RPH3A: variants seen among roughly 807,000 people sequenced by gnomAD.
RPH3A encodes rabphilin-3A.
Under a neutral mutation model 102.2 loss-of-function variants are expected in RPH3A, and 48 were observed. The observed-to-expected ratio is 0.47, with a 90% CI of 0.37 to 0.60. The LOEUF is 0.60. Among genes scored for constraint, RPH3A ranks in the 20% least tolerant of loss-of-function variants. RPH3A has a pLI of 0.00. For missense variants in RPH3A, 781 were observed against 910.1 expected (o/e 0.86, Z 1.83); for synonymous variants, 310 against 324.3 (o/e 0.96, Z 0.47).
intron 1 of RPH3A, among the ~76,000 whole-genome samples, chr12:112,592,819 G>T (rs1254667736): frequency 3.9e-5 from 6 of 152,104 alleles, no homozygotes; most frequent in Non-Finnish European, 8.8e-5. Flanking sequence ...AGTTAAGCGG[G>T]GCCACACGAC....
At chr12:112,742,598 C>T (rs923635767) in intron 1 of RPH3A, among the ~76,000 whole-genome samples, 13 of 152,262 alleles carry the variant, frequency 8.5e-5, no homozygotes, top group African/African-American at 2.6e-4. Flanking sequence ...ACAATGAATA[C>T]AGTCCAGGGA....
At position 112,861,153 on chromosome 12, in the gene RPH3A, G is replaced by A. The variant is rs147607465; in HGVS notation, c.231-4261G>A. ...GCCACAGAGGTTGGCCCCTGAACTG[G>A]CTCTATGAAACCCTCGGGGTACCAT... On this transcript the variant is annotated intron_variant, in intron 5 of 21. Coordinates refer to ENST00000389385, the MANE Select transcript of RPH3A (RefSeq NM_001143854.2). Among the ~76,000 whole-genome samples, 761 of 152,264 alleles carry A rather than the reference G, an allele frequency of 5.0e-3. 11 individuals carry two copies. The highest frequency in any genetic ancestry group is 0.017 in the African/African-American group (724 of 41,518).
chr12:112,707,428 G>C (rs2136032758), intron 1 of RPH3A, among the ~76,000 whole-genome samples: 1 of 152,270 alleles, frequency 6.6e-6, no homozygotes, highest in Non-Finnish European at 1.5e-5. Flanking sequence ...CTTTACAGGT[G>C]AGGAAACTGG....
At chr12:112,643,902 G>A (rs1435179445) in intron 1 of RPH3A, among the ~76,000 whole-genome samples, 1 of 152,196 alleles carries the variant, frequency 6.6e-6, no homozygotes, top group Admixed American at 6.5e-5. Context: ...AAAGCTAAGT[G>A]TCCATCAACA....
intron 1 of RPH3A, among the ~76,000 whole-genome samples, chr12:112,651,177 T>C (rs2039972525): frequency 6.6e-6 from 1 of 151,374 alleles, no homozygotes; most frequent in Admixed American, 6.6e-5. Flanking sequence ...CTGGGCAACA[T>C]GGCGAAACCC....
intron 1 of RPH3A, among the ~76,000 whole-genome samples, chr12:112,775,046 G>A (rs776669052): frequency 2.0e-5 from 3 of 151,548 alleles, no homozygotes; most frequent in African/African-American, 4.9e-5. Context: ...CACACACTGG[G>A]GCCTGTTGAG....
chr12:112,646,863 T>C (rs2135994820), intron 1 of RPH3A, among the ~76,000 whole-genome samples: 1 of 152,146 alleles, frequency 6.6e-6, no homozygotes, highest in South Asian at 2.1e-4. Flanking sequence ...ACTCACAGAG[T>C]TGGTTTGATG....
chr12:112,749,925 G>C lies in RPH3A; in HGVS notation c.-139-42218G>C, dbSNP rs186614034. On this transcript the variant is annotated intron_variant, in intron 1 of 21. Coordinates refer to the RPH3A transcript ENST00000543106. ...GTTTTTGAAGGAACCTCACCAAGGA[G>C]TCCAGATGTCTGTATCTGCAGGAAA... is the stretch of plus-strand genomic sequence containing the variant. Among the ~76,000 whole-genome samples the C allele has an allele frequency of 1.5e-3, 224 of 152,284 alleles. 1 individual carries two copies. The highest frequency in any genetic ancestry group is 5.1e-3 in the African/African-American group (211 of 41,558).
At chr12:112,886,565 A>G (rs2189586) in intron 16 of RPH3A, among the ~76,000 whole-genome samples, 69,763 of 151,964 alleles carry the variant, frequency 0.46, 16,599 homozygotes, top group East Asian at 0.6. Context: ...CTGTGCAGCC[A>G]GGTTCCTAAC....
chr12:112,813,349 G>T (rs567556199), intron 2 of RPH3A: 1 of 152,354 alleles, frequency 6.6e-6, no homozygotes, highest in Admixed American at 6.5e-5. Context: ...GAGGAAGATT[G>T]TGGTCCATTC....
At chr12:112,840,662 G>A (rs777267629) in intron 4 of RPH3A, among the ~76,000 whole-genome samples, 1 of 152,194 alleles carries the variant, frequency 6.6e-6, no homozygotes, top group Admixed American at 6.5e-5. Flanking sequence ...GGCTTGCATA[G>A]GTTCAGACCA....
chr12:112,731,716 G>A (rs2040635401), intron 1 of RPH3A, among the ~76,000 whole-genome samples: 1 of 152,180 alleles, frequency 6.6e-6, no homozygotes, highest in African/African-American at 2.4e-5. Flanking sequence ...ACCCATTTGG[G>A]GGATTTTTCC....
At chr12:112,750,051 T>C (rs2040776286) in intron 1 of RPH3A, among the ~76,000 whole-genome samples, 1 of 152,176 alleles carries the variant, frequency 6.6e-6, no homozygotes, top group African/African-American at 2.4e-5. Flanking sequence ...TCCTTTCTCC[T>C]TCACACTGAA....
chr12:112,851,966 G>A (rs1040767571), intron 5 of RPH3A, among the ~76,000 whole-genome samples: 7 of 152,160 alleles, frequency 4.6e-5, no homozygotes, highest in East Asian at 1.9e-4. Context: ...CCAAAACTTC[G>A]TGGCTTAGAG....
upstream of RPH3A, among the ~76,000 whole-genome samples, chr12:112,789,498 T>C (rs1370285002): frequency 6.6e-6 from 1 of 152,226 alleles, no homozygotes; most frequent in African/African-American, 2.4e-5. Flanking sequence ...GCTGTGTCTG[T>C]AACTTACTGT....
intron 1 of RPH3A, among the ~76,000 whole-genome samples, chr12:112,710,672 G>C (rs988386033): frequency 6.6e-5 from 10 of 152,166 alleles, no homozygotes; most frequent in African/African-American, 2.4e-4. Context: ...ATACAGAAGA[G>C]AAAACAAAGT....
chr12:112,788,188 C>A (rs2041064141), upstream of RPH3A, among the ~76,000 whole-genome samples: 1 of 152,196 alleles, frequency 6.6e-6, no homozygotes, highest in African/African-American at 2.4e-5. Context: ...CCTGACAAGA[C>A]AAGGCTAGTT....
chr12:112,733,568 T>A (rs2040648617), intron 1 of RPH3A, among the ~76,000 whole-genome samples: 1 of 152,012 alleles, frequency 6.6e-6, no homozygotes, highest in Non-Finnish European at 1.5e-5. Context: ...CTCGAATTGG[T>A]CAGAAGTGAC....
At chr12:112,715,240 C>T (rs1374297364) in intron 1 of RPH3A, among the ~76,000 whole-genome samples, 2 of 152,164 alleles carry the variant, frequency 1.3e-5, no homozygotes, top group Non-Finnish European at 2.9e-5. Context: ...TTGCCTAGCT[C>T]CTTCTCATCA....
Sources: gnomAD v4.1 joint callset for allele counts (sites outside exome capture counted in the v4.1 genomes callset) on GRCh38, gnomAD v4.1.1 for gene constraint, MANE v1.5 for transcripts, NCBI Gene and HGNC (gene_info 2026-07-23, HGNC 2026-07-21) for gene names.